The following KIAA1671 variants were observed in gnomAD, a reference collection of about 807,000 sequenced individuals.
KIAA1671 encodes KIAA1671.
In KIAA1671, 52 loss-of-function variants were observed where a neutral mutation model predicts 131.2. The observed-to-expected ratio is 0.40, with a 90% CI of 0.32 to 0.50. KIAA1671 has a LOEUF of 0.50. KIAA1671 is among the 20% of genes least tolerant of loss of function. The probability of loss-of-function intolerance (pLI) is 0.73; values close to 1 mark genes in which losing one functional copy is unlikely to be tolerated. For synonymous variants in KIAA1671, 1,003 were observed against 961.6 expected (o/e 1.04, Z -0.80); for missense variants, 2,360 against 2,364.2 (o/e 1.00, Z 0.04).
chr22:25,190,602 G>A (rs755298523), intron 11 of KIAA1671, 100 bp from the exon 12 acceptor site: 27 of 986,372 alleles, frequency 2.7e-5, no homozygotes, highest in Admixed American at 1.0e-4. Flanking sequence ...CCCCAACCCC[G>A]CCTGGGCCCA....
intron 1 of KIAA1671, among the ~76,000 whole-genome samples, chr22:24,989,308 C>G (rs769057704): frequency 6.6e-6 from 1 of 152,170 alleles, no homozygotes; most frequent in African/African-American, 2.4e-5. Context: ...GTTTATTCCC[C>G]ACTGGGTGCC....
chr22:25,177,555 A>G, intron 9 of KIAA1671, 33 bp downstream of exon 9: 1 of 1,523,120 alleles, frequency 6.6e-7, no homozygotes. Flanking sequence ...CTCAGATAGC[A>G]CATTGAACAG....
chr22:25,185,055 T>G lies in KIAA1671; in HGVS notation c.5278T>G (p.Ser1760Ala). The G allele has an allele frequency of 6.4e-7, 1 of 1,551,478 alleles. No homozygotes were observed. The highest frequency in any genetic ancestry group is 8.7e-7 in the Non-Finnish European group (1 of 1,146,920). The change falls in exon 11 of 13, where the codon TCC (serine) becomes GCC (alanine). Residue 1760 changes from serine (S) to alanine (A), a missense_variant. Transcript: ENST00000358431. ...GGCACCCCAACCCAAGAGCCCCAAG[T>G]CCCCCTTCCAGCCTGGGGTGCTGGG... ...SWAPQPKSPKSPFQPGVLGSR... is the reference protein window; with the variant it reads ...SWAPQPKSPKAPFQPGVLGSR...
chr22:25,104,878 CAGAT>C (rs1422340914), intron 6 of KIAA1671, among the ~76,000 whole-genome samples: 3 of 152,100 alleles, frequency 2.0e-5, no homozygotes, highest in African/African-American at 7.2e-5. Context: ...GGCTAAGAAT[CAGAT>C]AGATACACTG....
chr22:25,153,675 C>G (rs1378698348), intron 6 of KIAA1671, among the ~76,000 whole-genome samples: 1 of 152,194 alleles, frequency 6.6e-6, no homozygotes, highest in Non-Finnish European at 1.5e-5. Context: ...ACCTGCCCCA[C>G]AGTGTGTGCT....
chr22:25,129,519 A>AC (rs1932337488), intron 6 of KIAA1671, among the ~76,000 whole-genome samples: 2 of 151,710 alleles, frequency 1.3e-5, no homozygotes, highest in African/African-American at 4.8e-5. Context: ...AAAAAAAAAA[A>AC]AACCCACAGA....
At chr22:25,052,404 C>T (rs1927581956) in intron 6 of KIAA1671, 1 of 152,248 alleles carries the variant, frequency 6.6e-6, no homozygotes, top group South Asian at 2.1e-4. Flanking sequence ...GTTTACCACT[C>T]AGGGCCTCAC....
At chr22:24,953,996 G>A (rs139946625) in intron 1 of KIAA1671, among the ~76,000 whole-genome samples, 1 of 152,124 alleles carries the variant, frequency 6.6e-6, no homozygotes, top group Non-Finnish European at 1.5e-5. Flanking sequence ...GGAATGAAGG[G>A]TATGAAACAG....
intron 1 of KIAA1671, among the ~76,000 whole-genome samples, chr22:24,979,923 T>TCTTCACGG (rs1479631029): frequency 1.3e-5 from 2 of 152,186 alleles, no homozygotes; most frequent in Non-Finnish European, 2.9e-5. Context: ...TAGCAAAATG[T>TCTTCACGG]CTTCAAGTTC....
chr22:25,039,792 T>G lies in KIAA1671; in HGVS notation c.2662T>G (p.Ser888Ala). 6.6e-7 allele frequency: 1 copy of G among 1,513,040 alleles called. No individual in the cohort carries two copies. Among genetic ancestry groups the G allele is most frequent in the Non-Finnish European group, 8.9e-7 (1 of 1,125,728 alleles). 93.7% of individuals were successfully genotyped at this position (1,513,040 alleles called of 1,614,324 possible). A position where few individuals can be genotyped will look rare whatever the true frequency, so the allele number is the denominator to read the frequency against. Residue 888 changes from serine (S) to alanine (A), a missense_variant, in exon 5 of 13, where the codon TCC (serine) becomes GCC (alanine). Physicochemically the swap from Ser to Ala is moderately conservative, Grantham distance 99. This residue lies in a region of KIAA1671 where 1,161 missense variants were observed against 1,204.7 expected (regional missense o/e 0.96). Coordinates refer to ENST00000358431, the MANE Select transcript of KIAA1671 (RefSeq NM_001145206.2). ...CCAGGGATGCCCCCTCGATCCTCTT[T>G]CCAGGGCTACGAATGGGCCTTCTGA... is the stretch of plus-strand genomic sequence containing the variant. ...PPQGCPLDPL[S>A]RATNGPSDSQ...
chr22:25,069,612 T>A (rs1347767835), intron 6 of KIAA1671, among the ~76,000 whole-genome samples: 2 of 152,064 alleles, frequency 1.3e-5, no homozygotes, highest in Non-Finnish European at 2.9e-5. Context: ...CTTGGCCAAG[T>A]CCCTTGACTT....
chr22:25,181,006 T>C (rs1934250897), intron 9 of KIAA1671, among the ~76,000 whole-genome samples: 4 of 152,170 alleles, frequency 2.6e-5, no homozygotes, highest in Admixed American at 2.6e-4. Context: ...GTCTGTGTTT[T>C]CTTAGCGTAC....
At chr22:25,123,773 C>G (rs1352746026) in intron 6 of KIAA1671, among the ~76,000 whole-genome samples, 2 of 152,254 alleles carry the variant, frequency 1.3e-5, no homozygotes, top group Non-Finnish European at 2.9e-5. Context: ...GGACCATTCA[C>G]TGAAATCCTT....
At position 24,976,072 on chromosome 22, in the gene KIAA1671, G is replaced by A. The variant is rs146560202; in HGVS notation, c.-208+23300G>A. 9.0e-4 allele frequency among the ~76,000 whole-genome samples: 137 copies of A among 152,282 alleles called. 2 individuals are homozygous for A. The highest frequency in any genetic ancestry group is 2.6e-3 in the African/African-American group (110 of 41,566). On this transcript the variant is annotated intron_variant, in intron 1 of 12. Coordinates refer to ENST00000358431, the MANE Select transcript of KIAA1671 (RefSeq NM_001145206.2). The stretch of plus-strand genomic sequence containing the variant: ...GAGTTTGTGGATTTCTGGTCTCTAG[G>A]GCCTCAGACAGCCTGGTCTTCCCAC...
chr22:24,991,963 T>C (rs1923863577), intron 1 of KIAA1671, among the ~76,000 whole-genome samples: 1 of 152,086 alleles, frequency 6.6e-6, no homozygotes, highest in Non-Finnish European at 1.5e-5. Context: ...CTTTGCTCTG[T>C]CCCCTCCGGT....
chr22:25,144,950 G>A (rs2067879319), intron 6 of KIAA1671, among the ~76,000 whole-genome samples: 1 of 152,204 alleles, frequency 6.6e-6, no homozygotes, highest in South Asian at 2.1e-4. Context: ...TCTGCCATCG[G>A]AGGTCTGTGA....
Position 25,039,211 on chromosome 22 carries a change from T to C in KIAA1671, c.2081T>C (p.Leu694Pro). The C allele has an allele frequency of 1.3e-6, 2 of 1,552,208 alleles. No individual in the cohort carries two copies. Among genetic ancestry groups the C allele is most frequent in the Non-Finnish European group, 1.7e-6 (2 of 1,147,110 alleles). The change falls in exon 5 of 13, where the codon CTG becomes CCG. Residue 694 changes from leucine (L) to proline (P), a missense_variant. Transcript: ENST00000358431. ...CCAACCACCCTTTTGAATGGTGAACTGAGACCGTATCACACGCCTCTCCGG... is the reference window on the plus strand; with the variant it reads ...CCAACCACCCTTTTGAATGGTGAACCGAGACCGTATCACACGCCTCTCCGG... ...LGPTTLLNGE[L>P]RPYHTPLRDK... is the part of the protein sequence containing the mutation.
rs1923566665 is a variant in KIAA1671 at position 24,986,706 on chromosome 22, TCCAC to T, written c.-208+33946_-208+33949del. ...ATCCACCCACCCATCCATCCATCCATCCACCCACCCACCCATCCATCCATCCATC... is the reference window on the plus strand; with the variant it reads ...ATCCACCCACCCATCCATCCATCCATCCACCCACCCATCCATCCATCCATC... On this transcript the variant is annotated intron_variant, in intron 1 of 12. Coordinates refer to ENST00000358431, the MANE Select transcript of KIAA1671 (RefSeq NM_001145206.2). Among the ~76,000 whole-genome samples, 4 of 126,140 alleles carry T rather than the reference TCCAC, an allele frequency of 3.2e-5. No homozygotes were observed. The Admixed American group carries it at 3.4e-4, about 11-fold the overall frequency. 82.8% of individuals were successfully genotyped at this position (126,140 alleles called of 152,430 possible).
At chr22:24,959,554 A>G (rs1267655984) in intron 1 of KIAA1671, among the ~76,000 whole-genome samples, 3 of 148,388 alleles carry the variant, frequency 2.0e-5, no homozygotes, top group Non-Finnish European at 4.5e-5. Context: ...CTAACAAACA[A>G]TCGAGGCACA....
Sources: allele counts gnomAD v4.1 joint callset (sites outside exome capture counted in the v4.1 genomes callset), GRCh38; gene constraint gnomAD v4.1.1; regional missense constraint gnomAD v4.1.1; transcripts MANE v1.5; gene names NCBI Gene and HGNC (gene_info 2026-07-23, HGNC 2026-07-21).